The following MUC7 variants were observed in gnomAD, a reference collection of about 807,000 sequenced individuals.
The protein encoded by MUC7 is mucin-7.
Under a neutral mutation model 2.5 loss-of-function variants are expected in MUC7, and 2 were observed. That is an observed-to-expected ratio of 0.81 (90% CI 0.33 to 2.55). MUC7 has a LOEUF of 2.55. Ranked by LOEUF, MUC7 falls within the 30% of genes most tolerant of loss-of-function variation. The pLI, the probability that MUC7 is intolerant of heterozygous loss-of-function variation, is 0.11. For synonymous variants in MUC7, 133 were observed against 173.4 expected (o/e 0.77, Z 1.83); for missense variants, 408 against 455.6 (o/e 0.90, Z 0.95).
intron 1 of MUC7, among the ~76,000 whole-genome samples, chr4:70,450,807 A>G (rs551331873): frequency 6.6e-6 from 1 of 152,248 alleles, no homozygotes; most frequent in African/African-American, 2.4e-5. Flanking sequence ...GCTGTGGCTG[A>G]ACTGGGTGCC....
intron 1 of MUC7, among the ~76,000 whole-genome samples, chr4:70,450,823 G>A (rs1400849561): frequency 6.6e-6 from 1 of 152,174 alleles, no homozygotes; most frequent in Non-Finnish European, 1.5e-5. Flanking sequence ...GTGCCTAGAT[G>A]CAAGAGAAAG....
At chr4:70,477,693 T>A (rs1204511116) in intron 2 of MUC7, among the ~76,000 whole-genome samples, 1 of 152,188 alleles carries the variant, frequency 6.6e-6, no homozygotes, top group Non-Finnish European at 1.5e-5. Flanking sequence ...CTCCTAAAAG[T>A]TACTTAGTCT....
intron 1 of MUC7, among the ~76,000 whole-genome samples, chr4:70,442,896 C>T (rs557523206): frequency 6.6e-6 from 1 of 152,322 alleles, no homozygotes; most frequent in African/African-American, 2.4e-5. Flanking sequence ...AAACTGGTCA[C>T]ATTAGACTTC....
At chr4:70,438,472 T>G (rs1438497353) in intron 1 of MUC7, among the ~76,000 whole-genome samples, 1 of 152,150 alleles carries the variant, frequency 6.6e-6, no homozygotes, top group Admixed American at 6.5e-5. Flanking sequence ...TTTGGTTTGG[T>G]TTTGAGACAG....
At chr4:70,459,510 G>A (rs1295456635) in intron 1 of MUC7, among the ~76,000 whole-genome samples, 1 of 152,030 alleles carries the variant, frequency 6.6e-6, no homozygotes, top group African/African-American at 2.4e-5. Context: ...CAGCACACCA[G>A]CATGGCACAT....
intron 1 of MUC7, among the ~76,000 whole-genome samples, chr4:70,439,104 A>G (rs1431238816): frequency 6.6e-6 from 1 of 152,234 alleles, no homozygotes; most frequent in African/African-American, 2.4e-5. Context: ...AAATAGGGTG[A>G]AATGATAGAG....
chr4:70,431,956 T>C (rs1733679183), intron 1 of MUC7, among the ~76,000 whole-genome samples: 1 of 152,140 alleles, frequency 6.6e-6, no homozygotes, highest in Non-Finnish European at 1.5e-5. Context: ...GTCCAAGTGT[T>C]CTCATTGTTC....
chr4:70,460,082 T>A (rs1234922144), intron 1 of MUC7, among the ~76,000 whole-genome samples: 1 of 152,082 alleles, frequency 6.6e-6, no homozygotes, highest in Non-Finnish European at 1.5e-5. Context: ...TTGGTAACTA[T>A]GTCTCTGTCA....
At chr4:70,461,903 G>A (rs1734566708) in intron 1 of MUC7, among the ~76,000 whole-genome samples, 1 of 152,098 alleles carries the variant, frequency 6.6e-6, no homozygotes, top group Non-Finnish European at 1.5e-5. Flanking sequence ...AAAGAAATAG[G>A]CATGAAAAAG....
At chr4:70,453,851 AG>A (rs1212004321) in intron 1 of MUC7, among the ~76,000 whole-genome samples, 1 of 152,032 alleles carries the variant, frequency 6.6e-6, no homozygotes, top group Non-Finnish European at 1.5e-5. Context: ...CTCTTTAGTT[AG>A]CAGGTGATGA....
intron 1 of MUC7, among the ~76,000 whole-genome samples, chr4:70,437,863 C>G (rs1343295814): frequency 6.6e-6 from 1 of 150,824 alleles, no homozygotes; most frequent in African/African-American, 2.5e-5. Flanking sequence ...GGAAGTGACT[C>G]CAGGGAGCTG....
intron 1 of MUC7, among the ~76,000 whole-genome samples, chr4:70,444,071 G>T (rs767295822): frequency 6.6e-6 from 1 of 152,044 alleles, no homozygotes; most frequent in Admixed American, 6.6e-5. Context: ...CTACAAGATC[G>T]ACTACAACCA....
At chr4:70,453,307 C>A (rs1238829304) in intron 1 of MUC7, among the ~76,000 whole-genome samples, 1 of 152,232 alleles carries the variant, frequency 6.6e-6, no homozygotes, top group African/African-American at 2.4e-5. Context: ...ACCTGCTGTT[C>A]TAGTGTAGTG....
chr4:70,441,477 A>G (rs1734003952), intron 1 of MUC7, among the ~76,000 whole-genome samples: 3 of 152,312 alleles, frequency 2.0e-5, no homozygotes, highest in Non-Finnish European at 4.4e-5. Context: ...AGAAAAATCA[A>G]TGGGTGAAGA....
At chr4:70,468,419 G>T (rs1734736201), upstream of MUC7, among the ~76,000 whole-genome samples, 1 of 152,136 alleles carries the variant, frequency 6.6e-6, no homozygotes, top group South Asian at 2.1e-4. Flanking sequence ...GGGGAATCAG[G>T]CAAGAGAAAG....
At chr4:70,467,911 G>A (rs543428439), upstream of MUC7, among the ~76,000 whole-genome samples, 3 of 152,110 alleles carry the variant, frequency 2.0e-5, no homozygotes, top group South Asian at 2.1e-4. Flanking sequence ...CTCATTTTGC[G>A]AGGCCAGCAT....
At chr4:70,475,588 T>C (rs1016790743) in intron 2 of MUC7, among the ~76,000 whole-genome samples, 1 of 152,194 alleles carries the variant, frequency 6.6e-6, no homozygotes, top group Admixed American at 6.5e-5. Flanking sequence ...GTGGACCTTC[T>C]ATCTTTAAGA....
At chr4:70,445,223 T>C (rs188637089) in intron 1 of MUC7, among the ~76,000 whole-genome samples, 15 of 152,326 alleles carry the variant, frequency 9.8e-5, no homozygotes, top group African/African-American at 3.1e-4. Flanking sequence ...CACAACTGTG[T>C]CTGGCACAAC....
chr4:70,444,977 G>T (rs1001320235), intron 1 of MUC7, among the ~76,000 whole-genome samples: 4 of 152,086 alleles, frequency 2.6e-5, no homozygotes, highest in African/African-American at 4.8e-5. Context: ...GCTTGAACCT[G>T]GGAGGAGGAG....
Sources: gnomAD v4.1 joint callset for allele counts (sites outside exome capture counted in the v4.1 genomes callset) on GRCh38, gnomAD v4.1.1 for gene constraint, MANE v1.5 for transcripts, NCBI Gene and HGNC (gene_info 2026-07-23, HGNC 2026-07-21) for gene names.